The following DPP6 variants were observed in gnomAD, a reference collection of about 807,000 sequenced individuals.
The protein encoded by DPP6 is dipeptidyl peptidase like 6.
In DPP6, 69 loss-of-function variants were observed where a neutral mutation model predicts 122.6. The observed-to-expected ratio is 0.56, with a 90% CI of 0.46 to 0.69. The LOEUF (loss-of-function observed/expected upper bound fraction) is 0.69. Ranked by LOEUF, DPP6 falls within the 30% of genes least tolerant of loss-of-function variation. The pLI is 0.00. For synonymous variants in DPP6, 418 were observed against 433.1 expected, an observed-to-expected ratio of 0.97 and a Z score of 0.43; for missense variants, 928 against 1,116.9, an observed-to-expected ratio of 0.83 and a Z score of 2.41.
chr7:153,840,105 A>G, the DPP6 span, among the ~76,000 whole-genome samples: 2 of 152,180 alleles, frequency 1.3e-5, no homozygotes, highest in Non-Finnish European at 2.9e-5. Flanking sequence ...AAGGGGCAAC[A>G]TTTACACAAG....
chr7:154,124,255 T>C (rs887434441), intron 1 of DPP6, among the ~76,000 whole-genome samples: 3 of 152,242 alleles, frequency 2.0e-5, no homozygotes, highest in African/African-American at 7.2e-5. Flanking sequence ...GAGAAAATGA[T>C]CTGTGACAGA....
At chr7:154,575,142 T>C (rs1831477031) in intron 5 of DPP6, among the ~76,000 whole-genome samples, 2 of 138,208 alleles carry the variant, frequency 1.4e-5, no homozygotes, top group African/African-American at 5.7e-5. Context: ...GTGGTATGTG[T>C]ATGTGTGTGT....
chr7:154,765,615 A>C (rs1795844757), intron 8 of DPP6, among the ~76,000 whole-genome samples: 3 of 152,188 alleles, frequency 2.0e-5, no homozygotes, highest in African/African-American at 7.2e-5. Context: ...AAAATGAAAA[A>C]TACCCAGCCC....
intron 1 of DPP6, among the ~76,000 whole-genome samples, 177 bp downstream of exon 1, chr7:154,053,240 C>T (rs1342549967): frequency 2.0e-5 from 3 of 150,442 alleles, no homozygotes; most frequent in Non-Finnish European, 4.5e-5. Flanking sequence ...CACCGCGTCC[C>T]GGAGGGAGCG....
In DPP6 at chr7:154,660,402, C is replaced by T. The variant is rs374723230; in HGVS notation, c.681-8958C>T. ...TGGTGAATCACCATGGCGTATTGGC[C>T]GTAGTGTTCATATAGTCATGGTGAA... On this transcript the variant is annotated intron_variant, in intron 6 of 25. Coordinates refer to ENST00000377770, the MANE Select transcript of DPP6 (RefSeq NM_130797.4). Among the ~76,000 whole-genome samples the T allele has an allele frequency of 7.4e-5, 11 of 147,684 alleles. No homozygotes were observed. The East Asian group carries it at 8.0e-4, about 11-fold the overall frequency.
At chr7:154,452,227 C>A (rs1478356248) in intron 2 of DPP6, among the ~76,000 whole-genome samples, 3 of 152,208 alleles carry the variant, frequency 2.0e-5, no homozygotes, top group Non-Finnish European at 4.4e-5. Context: ...AAAGACAATG[C>A]ATGTGCAAGG....
intron 3 of DPP6, among the ~76,000 whole-genome samples, chr7:154,510,635 G>A (rs1021876514): frequency 2.0e-5 from 3 of 151,482 alleles, no homozygotes; most frequent in Non-Finnish European, 4.4e-5. Flanking sequence ...GGAGGTGGAG[G>A]TTACAATGAG....
chr7:154,462,942 AT>A (rs35080095), intron 2 of DPP6, among the ~76,000 whole-genome samples: 29,090 of 151,684 alleles, frequency 0.19, 3,232 homozygotes, highest in East Asian at 0.29. Context: ...TTGTAGGTTG[AT>A]TTTTGTAACC....
At chr7:154,686,194 T>C (rs1248082690) in intron 7 of DPP6, among the ~76,000 whole-genome samples, 1 of 152,202 alleles carries the variant, frequency 6.6e-6, no homozygotes, top group Non-Finnish European at 1.5e-5. Context: ...CCGGGTCACA[T>C]ATCAGGGATG....
At chr7:154,714,842 TA>T (rs1268566483) in intron 7 of DPP6, among the ~76,000 whole-genome samples, 3 of 152,196 alleles carry the variant, frequency 2.0e-5, no homozygotes, top group Non-Finnish European at 4.4e-5. Context: ...ATGTATTTTG[TA>T]AATACCCAGA....
At chr7:154,636,365 G>C (rs1210509795) in intron 5 of DPP6, among the ~76,000 whole-genome samples, 1 of 152,192 alleles carries the variant, frequency 6.6e-6, no homozygotes, top group Non-Finnish European at 1.5e-5. Context: ...TCAGGACACA[G>C]GAGCCAGCAC....
chr7:154,551,592 T>G (rs981331308), intron 4 of DPP6, among the ~76,000 whole-genome samples: 3 of 152,174 alleles, frequency 2.0e-5, no homozygotes, highest in African/African-American at 7.2e-5. Context: ...AATCAATTGG[T>G]ATCATTCATT....
At chr7:154,180,586 A>C (rs1798034505) in intron 1 of DPP6, among the ~76,000 whole-genome samples, 1 of 149,098 alleles carries the variant, frequency 6.7e-6, no homozygotes. Context: ...ATTCGAGTTT[A>C]TATTATTATT....
chr7:153,773,312 T>TTA, the DPP6 span, among the ~76,000 whole-genome samples: 320 of 85,702 alleles, frequency 3.7e-3, 1 homozygote, highest in African/African-American at 9.2e-3. Flanking sequence ...TATGTGTATT[T>TTA]TATATATATA....
chr7:154,880,784 G>GT, intron 20 of DPP6, 104 bp from the exon 21 acceptor site: 1 of 1,594,904 alleles, frequency 6.3e-7, no homozygotes, highest in Non-Finnish European at 8.6e-7. Flanking sequence ...TTGAAGAGGG[G>GT]TTTTCATCCT....
At chr7:154,134,167 G>A (rs1294464773) in intron 1 of DPP6, among the ~76,000 whole-genome samples, 1 of 152,124 alleles carries the variant, frequency 6.6e-6, no homozygotes, top group South Asian at 2.1e-4. Context: ...GGGGAATGCC[G>A]AGGATGTGCA....
At chr7:154,439,019 G>A (rs1419585762) in intron 1 of DPP6, among the ~76,000 whole-genome samples, 2 of 152,166 alleles carry the variant, frequency 1.3e-5, no homozygotes, top group Admixed American at 6.5e-5. Flanking sequence ...GTACCGTGCT[G>A]GAACATTGTA....
At chr7:154,347,011 A>T (rs1810455079) in intron 1 of DPP6, among the ~76,000 whole-genome samples, 1 of 152,186 alleles carries the variant, frequency 6.6e-6, no homozygotes, top group African/African-American at 2.4e-5. Flanking sequence ...AGCAAACTCT[A>T]CTGAAATCAG....
chr7:154,588,171 C>T, intron 5 of DPP6: 1 of 1,521,112 alleles, frequency 6.6e-7, no homozygotes, highest in East Asian at 2.3e-5. Context: ...AGAAATACTG[C>T]CTTCCCCATC....
Sources: allele counts gnomAD v4.1 joint callset (sites outside exome capture counted in the v4.1 genomes callset), GRCh38; gene constraint gnomAD v4.1.1; transcripts MANE v1.5; gene names NCBI Gene and HGNC (gene_info 2026-07-23, HGNC 2026-07-21).